The following DOK6 variants were observed in gnomAD, a reference collection of about 807,000 sequenced individuals.
The protein encoded by DOK6 is docking protein 6, also known as downstream of tyrosine kinase 6.
Under a neutral mutation model 44.0 loss-of-function variants are expected in DOK6, and 22 were observed. The observed-to-expected ratio is 0.50, with a 90% CI of 0.36 to 0.71. The LOEUF is 0.71. Among genes scored for constraint, DOK6 ranks in the 30% least tolerant of loss-of-function variants. DOK6 has a pLI of 0.00. For missense variants in DOK6, 340 were observed against 416.4 expected, an observed-to-expected ratio of 0.82 and a Z score of 1.60; for synonymous variants, 166 against 145.5, an observed-to-expected ratio of 1.14 and a Z score of -1.01.
chr18:69,424,709 T>C (rs1978589874), intron 1 of DOK6, among the ~76,000 whole-genome samples: 1 of 152,230 alleles, frequency 6.6e-6, no homozygotes. Flanking sequence ...CACAATATTC[T>C]GTTCTAATTA....
intron 7 of DOK6, among the ~76,000 whole-genome samples, chr18:69,800,496 A>AT (rs1444670554): frequency 6.6e-6 from 1 of 152,194 alleles, no homozygotes; most frequent in Non-Finnish European, 1.5e-5. Flanking sequence ...GTGTAATACA[A>AT]TTGCTTTAAC....
At chr18:69,434,005 T>C (rs1978879133) in intron 1 of DOK6, among the ~76,000 whole-genome samples, 1 of 152,220 alleles carries the variant, frequency 6.6e-6, no homozygotes, top group South Asian at 2.1e-4. Context: ...TCACACATGA[T>C]TTTTTCCACT....
intron 7 of DOK6, among the ~76,000 whole-genome samples, chr18:69,823,781 T>A (rs1385402254): frequency 2.6e-5 from 4 of 152,174 alleles, no homozygotes; most frequent in Non-Finnish European, 4.4e-5. Context: ...CCGTTTGAGT[T>A]GCTTCTCTCA....
intron 1 of DOK6, among the ~76,000 whole-genome samples, chr18:69,487,539 G>A (rs8090798): frequency 0.77 from 116,649 of 151,998 alleles, 44,928 homozygotes; most frequent in African/African-American, 0.79. Context: ...ATTAATATGA[G>A]ATAACCAAAA....
At chr18:69,556,461 G>T (rs971335313) in intron 1 of DOK6, among the ~76,000 whole-genome samples, 13 of 151,730 alleles carry the variant, frequency 8.6e-5, no homozygotes, top group South Asian at 2.1e-4. Context: ...TCTCTCCATA[G>T]CACATAGCAA....
chr18:69,693,559 C>T lies in DOK6; in HGVS notation c.410-4845C>T, dbSNP rs182404442. ...TTTTCCTGTACGGTTCTCCATTAAACATAGTTTTCCATCTGTATTCTTACA... is the reference window on the plus strand; with the variant it reads ...TTTTCCTGTACGGTTCTCCATTAAATATAGTTTTCCATCTGTATTCTTACA... On this transcript the variant is annotated intron_variant, in intron 4 of 7. Transcript: ENST00000382713. Among the ~76,000 whole-genome samples, 4 of 152,148 alleles carry T rather than the reference C, an allele frequency of 2.6e-5. No homozygotes were observed. The East Asian group carries it at 7.7e-4, about 29-fold the overall frequency.
At chr18:69,764,443 G>C (rs12104082) in intron 7 of DOK6, among the ~76,000 whole-genome samples, 2,755 of 152,214 alleles carry the variant, frequency 0.018, 64 homozygotes, top group African/African-American at 0.055. Flanking sequence ...ATTAGGTAAC[G>C]GGGGCAGTTC....
At chr18:69,439,913 G>T (rs1728353815) in intron 1 of DOK6, among the ~76,000 whole-genome samples, 1 of 152,166 alleles carries the variant, frequency 6.6e-6, no homozygotes, top group Non-Finnish European at 1.5e-5. Context: ...TTTGGCACAA[G>T]AGCTCTTGCT....
At chr18:69,484,570 AGGGTTG>A in intron 1 of DOK6, among the ~76,000 whole-genome samples, 1 of 152,198 alleles carries the variant, frequency 6.6e-6, no homozygotes, top group South Asian at 2.1e-4. Context: ...GAGGAAATAC[AGGGTTG>A]GGTTCTCAGA....
rs150557142 is a variant in DOK6, at chr18:69,780,587, G to A, written c.856+22714G>A. 2.5e-3 allele frequency among the ~76,000 whole-genome samples: 387 copies of A among 152,278 alleles called. 1 individual carries two copies. The highest frequency in any genetic ancestry group is 7.1e-3 in the South Asian group (34 of 4,822). ...AGCCTGGGCAACAGACCAAGACTCC[G>A]TCTCAGAAACCAAACAAACAAAAAG... is the stretch of plus-strand genomic sequence containing the variant. On this transcript the variant is annotated intron_variant, in intron 7 of 7. Coordinates refer to ENST00000382713, the MANE Select transcript of DOK6 (RefSeq NM_152721.6).
chr18:69,825,366 A>T (rs1390817876), intron 7 of DOK6, among the ~76,000 whole-genome samples: 1 of 150,046 alleles, frequency 6.7e-6, no homozygotes, highest in Non-Finnish European at 1.5e-5. Flanking sequence ...TAGCCAACCC[A>T]TTGTCACCAA....
Position 69,677,809 on chromosome 18 carries a change from G to A in DOK6, c.365G>A (p.Gly122Glu), listed in dbSNP as rs1271175588. 2.5e-6 allele frequency: 4 copies of A among 1,613,792 alleles called. No homozygotes were observed. The highest frequency in any genetic ancestry group is 3.4e-6 in the Non-Finnish European group (4 of 1,179,800). Residue 122 changes from glycine (G) to glutamate (E), a missense_variant, in exon 4 of 8, where the codon GGG (glycine) becomes GAG (glutamate). Transcript: ENST00000382713. ...ACCAGGCTCAATGATATCAGCCTTG[G>A]GGAGCCCGACCTTCTGGCCGCAGGA... ...LGTRLNDISL[G>E]EPDLLAAGVQ...
At position 69,810,660 on chromosome 18, in the gene DOK6, G is replaced by A. The variant is rs115881150; in HGVS notation, c.857-30584G>A. Among the ~76,000 whole-genome samples, 577 of 151,724 alleles carry A rather than the reference G, an allele frequency of 3.8e-3. 4 individuals are homozygous for A. The highest frequency in any genetic ancestry group is 0.013 in the African/African-American group (532 of 41,408). On this transcript the variant is annotated intron_variant, in intron 7 of 7. Transcript: ENST00000382713. ...CCTGATTTTTTTTTAATGGGCAAAG[G>A]TCCTGAATAGACACTTCTCAAAAGA...
intron 1 of DOK6, among the ~76,000 whole-genome samples, chr18:69,512,332 CTTTTTT>C (rs548031851): frequency 0.16 from 14,895 of 92,216 alleles, 1,139 homozygotes; most frequent in Non-Finnish European, 0.2. Flanking sequence ...CTTTCTTCTT[CTTTTTT>C]TTTTTTTTTT....
intron 1 of DOK6, among the ~76,000 whole-genome samples, chr18:69,554,099 TA>T (rs1982631314): frequency 6.6e-6 from 1 of 152,210 alleles, no homozygotes; most frequent in Non-Finnish European, 1.5e-5. Flanking sequence ...CAACATGTGA[TA>T]TTTTTAAACT....
chr18:69,588,319 G>T (rs1350807527), intron 2 of DOK6, among the ~76,000 whole-genome samples: 1 of 152,158 alleles, frequency 6.6e-6, no homozygotes, highest in Non-Finnish European at 1.5e-5. Context: ...AAAGAAACTG[G>T]CTTCAAGGTT....
chr18:69,487,309 C>T (rs565690146), intron 1 of DOK6, among the ~76,000 whole-genome samples: 222 of 150,042 alleles, frequency 1.5e-3, no homozygotes, highest in Non-Finnish European at 2.4e-3. Flanking sequence ...TATTTTTCAC[C>T]TTTTTCTATT....
chr18:69,526,619 T>A (rs2144569096), intron 1 of DOK6, among the ~76,000 whole-genome samples: 1 of 152,312 alleles, frequency 6.6e-6, no homozygotes, highest in Non-Finnish European at 1.5e-5. Context: ...AGAGTAAAAT[T>A]TCTGGGTCAT....
intron 7 of DOK6, among the ~76,000 whole-genome samples, chr18:69,788,447 G>A (rs1980498545): frequency 6.6e-6 from 1 of 152,172 alleles, no homozygotes; most frequent in African/African-American, 2.4e-5. Context: ...AGAAATTAGA[G>A]GGTTCTGTTC....
Sources: allele counts gnomAD v4.1 joint callset (sites outside exome capture counted in the v4.1 genomes callset), GRCh38; gene constraint gnomAD v4.1.1; transcripts MANE v1.5; gene names NCBI Gene and HGNC (gene_info 2026-07-23, HGNC 2026-07-21).